Variants in LRRC7 observed in about 807,000 individuals in gnomAD.
LRRC7 encodes the protein leucine-rich repeat-containing protein 7.
Under a neutral mutation model 175.7 loss-of-function variants are expected in LRRC7, and 23 were observed. The ratio of observed to expected loss-of-function variants is 0.13; its 90% CI spans 0.09 to 0.19. The LOEUF is 0.19. Among genes scored for constraint, LRRC7 ranks in the 10% least tolerant of loss-of-function variants. LRRC7 has a pLI of 1.00. For missense variants in LRRC7, 1,354 were observed against 1,904.7 expected, an observed-to-expected ratio of 0.71 and a Z score of 5.38; for synonymous variants, 685 against 680.9, an observed-to-expected ratio of 1.01 and a Z score of -0.09.
chr1:70,085,414 C>A (rs1310291047), intron 24 of LRRC7, among the ~76,000 whole-genome samples: 1 of 152,092 alleles, frequency 6.6e-6, no homozygotes, highest in Non-Finnish European at 1.5e-5. Context: ...TTACCTTGAA[C>A]CCTTTGTCAA....
Position 70,130,118 on chromosome 1 carries a change from T to C in LRRC7, c.*8231T>C, listed in dbSNP as rs1032997423. 2.6e-5 allele frequency: 4 copies of C among 152,248 alleles called. No individual in the cohort carries two copies. Among genetic ancestry groups the C allele is most frequent in the Admixed American group, 1.3e-4 (2 of 15,288 alleles). 9.4% of individuals were successfully genotyped at this position (152,248 alleles called of 1,614,324 possible). ...GCACTACCATATTAATTTTTTCTTA[T>C]GTTTTTTAGTATCTTTCCCATTCTG... On this transcript the variant is annotated 3_prime_UTR_variant, in exon 27 of 27. Coordinates refer to ENST00000651989, the MANE Select transcript of LRRC7 (RefSeq NM_001370785.2).
intron 2 of LRRC7, among the ~76,000 whole-genome samples, chr1:69,693,029 C>T (rs904835289): frequency 5.9e-5 from 9 of 151,590 alleles, no homozygotes; most frequent in Non-Finnish European, 1.3e-4. Context: ...TTTTCAGGCT[C>T]GCAGACACGG....
intron 4 of LRRC7, among the ~76,000 whole-genome samples, chr1:69,817,959 T>C (rs1025933220): frequency 2.6e-5 from 4 of 152,140 alleles, no homozygotes; most frequent in Non-Finnish European, 5.9e-5. Context: ...CTTTTAAATG[T>C]TGATTTTGTA....
chr1:70,078,828 A>ACACACACG, intron 24 of LRRC7, among the ~76,000 whole-genome samples: 2 of 137,226 alleles, frequency 1.5e-5, no homozygotes, highest in Middle Eastern at 7.5e-3. Context: ...ACACACGCAC[A>ACACACACG]CACACACACA....
intron 3 of LRRC7, among the ~76,000 whole-genome samples, chr1:69,762,326 A>G (rs1044471657): frequency 1.3e-5 from 2 of 152,046 alleles, no homozygotes; most frequent in Non-Finnish European, 2.9e-5. Flanking sequence ...ATAAATCTCG[A>G]TCTCTGCCCT....
At chr1:69,960,015 G>C (rs1379630558) in intron 8 of LRRC7, among the ~76,000 whole-genome samples, 1 of 152,098 alleles carries the variant, frequency 6.6e-6, no homozygotes, top group African/African-American at 2.4e-5. Context: ...GAGTTAAGGA[G>C]GAGTCCCTCC....
At chr1:70,118,662 C>G (rs991125915) in intron 26 of LRRC7, among the ~76,000 whole-genome samples, 1 of 152,074 alleles carries the variant, frequency 6.6e-6, no homozygotes, top group African/African-American at 2.4e-5. Context: ...GGTGATTCAG[C>G]CTTAGCCCTT....
In LRRC7 at chr1:69,893,804, T is replaced by C. The variant is rs5027840; in HGVS notation, c.648-37703T>C. Among the ~76,000 whole-genome samples, 733 of 138,218 alleles carry C rather than the reference T, an allele frequency of 5.3e-3. 5 individuals carry two copies. Among genetic ancestry groups the C allele is most frequent in the African/African-American group, 0.017 (681 of 39,724 alleles). 90.7% of individuals were successfully genotyped at this position (138,218 alleles called of 152,430 possible). ...TTAATTTTTAATACAAAATTTCTCA[T>C]ACTTGAAAACCAAACTTTTTTTTTT... is the stretch of plus-strand genomic sequence containing the variant. On this transcript the variant is annotated intron_variant, in intron 7 of 26. Transcript: ENST00000651989.
chr1:69,767,260 T>C (rs1341490675), intron 3 of LRRC7, among the ~76,000 whole-genome samples: 1 of 152,152 alleles, frequency 6.6e-6, no homozygotes, highest in Non-Finnish European at 1.5e-5. Flanking sequence ...CGTATGTCAT[T>C]TTTTTAAAAA....
chr1:69,674,582 A>T (rs1422341708), intron 1 of LRRC7, among the ~76,000 whole-genome samples: 1 of 152,118 alleles, frequency 6.6e-6, no homozygotes, highest in Non-Finnish European at 1.5e-5. Flanking sequence ...CAAAACCTGG[A>T]ATTTTCTAGA....
intron 1 of LRRC7, among the ~76,000 whole-genome samples, chr1:69,622,738 T>G (rs149352491): frequency 7.2e-5 from 11 of 152,280 alleles, no homozygotes; most frequent in African/African-American, 2.6e-4. Context: ...TAATCATATG[T>G]GTTGCTTTTC....
intron 1 of LRRC7, among the ~76,000 whole-genome samples, chr1:69,572,299 A>G (rs971334039): frequency 1.3e-5 from 2 of 152,170 alleles, no homozygotes; most frequent in Non-Finnish European, 2.9e-5. Context: ...ATATAAAGAT[A>G]GCAATTTAAA....
intron 7 of LRRC7, among the ~76,000 whole-genome samples, chr1:69,924,515 G>A (rs138415589): frequency 0.36 from 55,422 of 151,908 alleles, 12,217 homozygotes; most frequent in East Asian, 0.55. Flanking sequence ...GTTCCTTCAC[G>A]TCCCTTGTAA....
chr1:69,795,241 G>C (rs911897972), intron 4 of LRRC7, among the ~76,000 whole-genome samples: 1 of 152,140 alleles, frequency 6.6e-6, no homozygotes, highest in Admixed American at 6.5e-5. Context: ...TTAGCTGGAT[G>C]TGGTGGCACA....
intron 8 of LRRC7, among the ~76,000 whole-genome samples, chr1:69,931,892 A>G (rs931326521): frequency 4.6e-5 from 7 of 152,232 alleles, no homozygotes; most frequent in Admixed American, 1.3e-4. Context: ...ACTGTCATAC[A>G]TAGCTATTAA....
intron 7 of LRRC7, among the ~76,000 whole-genome samples, chr1:69,853,769 C>A (rs910502174): frequency 1.3e-5 from 2 of 152,056 alleles, no homozygotes; most frequent in Non-Finnish European, 2.9e-5. Flanking sequence ...ACAGCTTTTT[C>A]CTTTTATAAT....
At chr1:70,107,677 T>C (rs774413993) in intron 25 of LRRC7, 75 bp from the exon 26 acceptor site, 202 of 1,051,404 alleles carry the variant, frequency 1.9e-4, no homozygotes, top group Non-Finnish European at 2.5e-4. Context: ...CTGTTTTCTA[T>C]GTGAATGAAG....
intron 7 of LRRC7, among the ~76,000 whole-genome samples, chr1:69,838,786 T>C (rs779258004): frequency 1.8e-4 from 28 of 151,986 alleles, no homozygotes; most frequent in Non-Finnish European, 4.0e-4. Flanking sequence ...TTTACTAGTC[T>C]ATTTAAAATT....
At chr1:69,899,511 G>A (rs1646074794) in intron 7 of LRRC7, among the ~76,000 whole-genome samples, 1 of 152,186 alleles carries the variant, frequency 6.6e-6, no homozygotes, top group South Asian at 2.1e-4. Flanking sequence ...TCAGCAAATT[G>A]GGTCAGATAG....
Sources: allele counts gnomAD v4.1 joint callset (sites outside exome capture counted in the v4.1 genomes callset), GRCh38; gene constraint gnomAD v4.1.1; transcripts MANE v1.5; gene names NCBI Gene and HGNC (gene_info 2026-07-23, HGNC 2026-07-21).